The following MRPL57 variants were observed in gnomAD, a reference collection of about 807,000 sequenced individuals.
The protein encoded by MRPL57 is large ribosomal subunit protein mL63.
MRPL57 carries 1 observed loss-of-function variant against 1.3 expected under a neutral mutation model. That is an observed-to-expected ratio of 0.79 (90% CI 0.28 to 3.75). The LOEUF is 3.75. Ranked by LOEUF, MRPL57 falls within the 30% of genes most tolerant of loss-of-function variation. The pLI is 0.19. For synonymous variants in MRPL57, 79 were observed against 61.7 expected (o/e 1.28, Z -1.31); for missense variants, 170 against 148.9 (o/e 1.14, Z -0.74).
chr13:21,177,645 G>T lies in MRPL57; in HGVS notation c.*420G>T, dbSNP rs903831000. The T allele has an allele frequency of 5.0e-6, 1 of 201,486 alleles. No homozygotes were observed. Among genetic ancestry groups the T allele is most frequent in the Non-Finnish European group, 1.1e-5 (1 of 91,216 alleles). 12.5% of individuals were successfully genotyped at this position (201,486 alleles called of 1,614,324 possible). A position where few individuals can be genotyped will look rare whatever the true frequency, so the allele number is the denominator to read the frequency against. ...AAACATACTCCTAAAAACATTTTCC[G>T]GGATTTTACTACTAAAATTGGACAT... On this transcript the variant is annotated 3_prime_UTR_variant, in exon 2 of 2. Coordinates refer to ENST00000309594, the MANE Select transcript of MRPL57 (RefSeq NM_024026.5).
chr13:21,177,627 C>T lies in MRPL57; in HGVS notation c.*402C>T, dbSNP rs1008334333. On this transcript the variant is annotated 3_prime_UTR_variant, in exon 2 of 2. Transcript: ENST00000309594. ...AATATGAGCTTTTCAGTTAAACATACTCCTAAAAACATTTTCCGGGATTTT... is the reference window on the plus strand; with the variant it reads ...AATATGAGCTTTTCAGTTAAACATATTCCTAAAAACATTTTCCGGGATTTT... 1 of 211,042 alleles carries T rather than the reference C, an allele frequency of 4.7e-6. No individual in the cohort carries two copies. The highest frequency in any genetic ancestry group is 6.2e-5 in the Admixed American group (1 of 16,198). The allele number at this position is 211,042 out of a possible 1,614,324, so 13.1% of individuals were successfully genotyped here.
Position 21,177,468 on chromosome 13 carries a change from G to C in MRPL57, c.*243G>C, listed in dbSNP as rs1871647447. ...GAAGATAGGGATTTCCTCAGTCACA[G>C]ATGATATTTTGAAGGAAAGCTGCAA... is the stretch of plus-strand genomic sequence containing the variant. On this transcript the variant is annotated 3_prime_UTR_variant, in exon 2 of 2. Transcript: ENST00000309594. 1.9e-6 allele frequency: 1 copy of C among 537,820 alleles called. No homozygotes were observed. Among genetic ancestry groups the C allele is most frequent in the African/African-American group, 2.0e-5 (1 of 50,828 alleles). 33.3% of individuals were successfully genotyped at this position (537,820 alleles called of 1,614,324 possible).
intron 1 of MRPL57, 79 bp from the exon 2 acceptor site, chr13:21,176,833 C>T (rs1008757601): frequency 6.8e-7 from 1 of 1,469,006 alleles, no homozygotes; most frequent in Non-Finnish European, 9.2e-7. Flanking sequence ...TAGGCGTGAG[C>T]TGGAGCGCGC....
Position 21,177,018 on chromosome 13 carries a change from C to A in MRPL57, c.102C>A (p.Asn34Lys), listed in dbSNP as rs1871610251. ...PRFVSLRAKQNMIRRLEIEAE... is the reference protein window; with the variant it reads ...PRFVSLRAKQKMIRRLEIEAE... ...TCGTGTCGTTGCGCGCCAAGCAGAA[C>A]ATGATCCGCCGCCTGGAGATCGAGG... is the stretch of plus-strand genomic sequence containing the variant. The change falls in exon 2 of 2, where the codon AAC becomes AAA. Residue 34 changes from asparagine to lysine, a missense_variant. Coordinates refer to ENST00000309594, the MANE Select transcript of MRPL57 (RefSeq NM_024026.5). 2.5e-6 allele frequency: 4 copies of A among 1,613,146 alleles called. No individual in the cohort carries two copies. The highest frequency in any genetic ancestry group is 3.4e-6 in the Non-Finnish European group (4 of 1,179,986).
At position 21,176,973 on chromosome 13, in the gene MRPL57, G is replaced by C. The variant is rs918312352; in HGVS notation, c.57G>C (p.Gly19=). 2 of 1,611,884 alleles carry C rather than the reference G, an allele frequency of 1.2e-6. No homozygotes were observed. The highest frequency in any genetic ancestry group is 3.3e-5 in the Admixed American group (2 of 60,004). ...GCATTCCCGGCCGTCAGTGGATCGGGAAGCACCGGCGGCCGCGGTTCGTGT... is the reference window on the plus strand; with the variant it reads ...GCATTCCCGGCCGTCAGTGGATCGGCAAGCACCGGCGGCCGCGGTTCGTGT... ...RGRIPGRQWI[G]KHRRPRFVSL... Residue 19 remains glycine, a synonymous_variant, in exon 2 of 2, where the codon GGG becomes GGC. Transcript: ENST00000309594.
rs1258890777 is a variant in MRPL57, at chr13:21,177,317, GAGCCTTTGGACC to G, written c.*95_*106del. 2 of 1,343,088 alleles carry G rather than the reference GAGCCTTTGGACC, an allele frequency of 1.5e-6. No individual in the cohort carries two copies. The highest frequency in any genetic ancestry group is 2.1e-6 in the Non-Finnish European group (2 of 965,528). 83.2% of individuals were successfully genotyped at this position (1,343,088 alleles called of 1,614,324 possible). On this transcript the variant is annotated 3_prime_UTR_variant, in exon 2 of 2. Coordinates refer to ENST00000309594, the MANE Select transcript of MRPL57 (RefSeq NM_024026.5). ...GAAAAACTGTAGCTTGTGTGAAAAT[GAGCCTTTGGACC>G]AGTCTTTATTAAAACAAACAAACAT...
Position 21,178,424 on chromosome 13 carries a change from AAG to A in MRPL57, c.*1201_*1202del, listed in dbSNP as rs769193289. 1.1e-4 allele frequency: 19 copies of A among 166,072 alleles called. No individual in the cohort carries two copies. Among genetic ancestry groups the A allele is most frequent in the Non-Finnish European group, 2.1e-4 (14 of 68,120 alleles). 10.3% of individuals were successfully genotyped at this position (166,072 alleles called of 1,614,324 possible). A position where few individuals can be genotyped will look rare whatever the true frequency, so the allele number is the denominator to read the frequency against. On this transcript the variant is annotated 3_prime_UTR_variant, in exon 2 of 2. Transcript: ENST00000309594. ...TGCACTCTAGCCTGGGCGACAGAAA[AAG>A]AAAATTTAGGTGGGGAAAAAAATCA...
Position 21,177,393 on chromosome 13 carries a change from C to CA in MRPL57, c.*168_*169insA. On this transcript the variant is annotated 3_prime_UTR_variant, in exon 2 of 2. Coordinates refer to ENST00000309594, the MANE Select transcript of MRPL57 (RefSeq NM_024026.5). Reference sequence around the variant, plus strand: ...ATCGAATATCTAGAGCTCTAAACCCCCAATACTTAAAAGTCTAATTGCTGT... The same window carrying CA: ...ATCGAATATCTAGAGCTCTAAACCCCACAATACTTAAAAGTCTAATTGCTGT... 1 of 683,706 alleles carries CA rather than the reference C, an allele frequency of 1.5e-6. No homozygotes were observed. 42.4% of individuals were successfully genotyped at this position (683,706 alleles called of 1,614,324 possible).
Position 21,176,921 on chromosome 13 carries a change from T to C in MRPL57, c.5T>C (p.Phe2Ser), listed in dbSNP as rs971635245. The C allele has an allele frequency of 3.7e-6, 6 of 1,607,478 alleles. No homozygotes were observed. The highest frequency in any genetic ancestry group is 2.2e-5 in the South Asian group (2 of 91,028). The change falls in exon 2 of 2, where the codon TTC becomes TCC. Residue 2 changes from phenylalanine to serine, a missense_variant. Transcript: ENST00000309594. M[F>S]LTALLWRGRI... ...TCCCTCTCTTCCGCAGGCACCATGT[T>C]CCTGACTGCGCTCCTCTGGCGCGGC...
Position 21,176,953 on chromosome 13 carries a change from C to T in MRPL57, c.37C>T (p.Pro13Ser). 1.2e-6 allele frequency: 2 copies of T among 1,611,548 alleles called. No individual in the cohort carries two copies. The highest frequency in any genetic ancestry group is 1.1e-5 in the South Asian group (1 of 91,072). The change falls in exon 2 of 2, where the codon CCC becomes TCC. Residue 13 changes from proline to serine, a missense_variant. By Grantham distance (74) the Pro-to-Ser change is moderately conservative. Transcript: ENST00000309594. Reference sequence around the variant, plus strand: ...TGCGCTCCTCTGGCGCGGCCGCATTCCCGGCCGTCAGTGGATCGGGAAGCA... The same window carrying T: ...TGCGCTCCTCTGGCGCGGCCGCATTTCCGGCCGTCAGTGGATCGGGAAGCA... ...LTALLWRGRI[P>S]GRQWIGKHRR...
chr13:21,177,485 A>C lies in MRPL57; in HGVS notation c.*260A>C. On this transcript the variant is annotated 3_prime_UTR_variant, in exon 2 of 2. Transcript: ENST00000309594. ...CAGTCACAGATGATATTTTGAAGGAAAGCTGCAATAAAGCCACAATGATTT... is the reference window on the plus strand; with the variant it reads ...CAGTCACAGATGATATTTTGAAGGACAGCTGCAATAAAGCCACAATGATTT... The C allele has an allele frequency of 5.9e-6, 3 of 507,450 alleles. No individual in the cohort carries two copies. The highest frequency in any genetic ancestry group is 1.1e-5 in the Non-Finnish European group (3 of 280,556). The allele number at this position is 507,450 out of a possible 1,614,324, so 31.4% of individuals were successfully genotyped here.
In MRPL57 at chr13:21,177,176, T is replaced by G; in HGVS notation, c.260T>G (p.Phe87Cys). Residue 87 changes from phenylalanine to cysteine, a missense_variant, in exon 2 of 2, where the codon TTC becomes TGC. Phe to Cys is a radical substitution (Grantham distance 205). Coordinates refer to ENST00000309594, the MANE Select transcript of MRPL57 (RefSeq NM_024026.5). ...ACTTCCAAGTTCCCCCCGCATAGAT[T>G]CATTGCGGACCAGCTCGACCATCTC... ...AATSKFPPHRFIADQLDHLNV... is the reference protein window; with the variant it reads ...AATSKFPPHRCIADQLDHLNV... The G allele has an allele frequency of 6.2e-7, 1 of 1,614,130 alleles. No homozygotes were observed. Among genetic ancestry groups the G allele is most frequent in the African/African-American group, 1.3e-5 (1 of 75,042 alleles).
At position 21,176,721 on chromosome 13, in the gene MRPL57, A is replaced by G. The variant is rs1871575749; in HGVS notation, c.-6+4A>G. ...AGAGTCTTGAGCAGCGCGGCAGGTG[A>G]GTAGCTGTGCGAATTCGGTTCTCTA... On this transcript the variant is annotated splice_donor_region_variant and intron_variant, in intron 1 of 1. Transcript: ENST00000309594. The G allele has an allele frequency of 3.0e-6, 2 of 675,664 alleles. No homozygotes were observed. Among genetic ancestry groups the G allele is most frequent in the Admixed American group, 3.0e-5 (1 of 33,020 alleles). The allele number at this position is 675,664 out of a possible 1,614,324, so 41.9% of individuals were successfully genotyped here.
At position 21,177,103 on chromosome 13, in the gene MRPL57, G is replaced by A; in HGVS notation, c.187G>A (p.Ala63Thr). 6.2e-7 allele frequency: 1 copy of A among 1,613,898 alleles called. No homozygotes were observed. The highest frequency in any genetic ancestry group is 1.1e-5 in the South Asian group (1 of 91,084). The change falls in exon 2 of 2, where the codon GCC becomes ACC. Residue 63 changes from alanine (A) to threonine (T), a missense_variant. Coordinates refer to ENST00000309594, the MANE Select transcript of MRPL57 (RefSeq NM_024026.5). ...GACCCGGGAGCAGGAGCGCGGCCAC[G>A]CCGCGGTGCGCAGGAGGGAGGCCTT... is the stretch of plus-strand genomic sequence containing the variant. The part of the protein sequence containing the change: ...YMTREQERGH[A>T]AVRRREAFEA...
rs1017620251 is a variant in MRPL57, at chr13:21,176,708, A to C, written c.-15A>C. ...GCCGCGGAGACGCAGAGTCTTGAGC[A>C]GCGCGGCAGGTGAGTAGCTGTGCGA... On this transcript the variant is annotated 5_prime_UTR_variant, in exon 1 of 2. Coordinates refer to ENST00000309594, the MANE Select transcript of MRPL57 (RefSeq NM_024026.5). The C allele has an allele frequency of 4.5e-6, 3 of 672,248 alleles. No homozygotes were observed. The highest frequency in any genetic ancestry group is 1.8e-5 in the African/African-American group (1 of 54,596). 41.6% of individuals were successfully genotyped at this position (672,248 alleles called of 1,614,324 possible).
Position 21,177,189 on chromosome 13 carries a change from G to C in MRPL57, c.273G>C (p.Gln91His). 2 of 1,614,114 alleles carry C rather than the reference G, an allele frequency of 1.2e-6. No individual in the cohort carries two copies. Among genetic ancestry groups the C allele is most frequent in the African/African-American group, 2.7e-5 (2 of 75,066 alleles). Residue 91 changes from glutamine (Q) to histidine (H), a missense_variant, in exon 2 of 2, where the codon CAG becomes CAC. Gln to His is a conservative substitution (Grantham distance 24, BLOSUM62 0). Coordinates refer to ENST00000309594, the MANE Select transcript of MRPL57 (RefSeq NM_024026.5). ...KFPPHRFIAD[Q>H]LDHLNVTKKW... ...CCCCGCATAGATTCATTGCGGACCA[G>C]CTCGACCATCTCAATGTCACCAAGA...
rs758925045 is a variant in MRPL57 at position 21,178,013 on chromosome 13, G to C, written c.*788G>C. 1 of 167,110 alleles carries C rather than the reference G, an allele frequency of 6.0e-6. No individual in the cohort carries two copies. The highest frequency in any genetic ancestry group is 2.4e-5 in the African/African-American group (1 of 41,442). 10.4% of individuals were successfully genotyped at this position (167,110 alleles called of 1,614,324 possible). A position where few individuals can be genotyped will look rare whatever the true frequency, so the allele number is the denominator to read the frequency against. ...TAAACGAAGTAAAAGATATTTATCA[G>C]AGCTGTTACAGGAAGGTGTATTTTT... On this transcript the variant is annotated 3_prime_UTR_variant, in exon 2 of 2. Coordinates refer to ENST00000309594, the MANE Select transcript of MRPL57 (RefSeq NM_024026.5).
chr13:21,176,893 C>G lies in MRPL57; in HGVS notation c.-5-19C>G, dbSNP rs751184470. ...CCGCGCCAGTTCGCCTCCGCAAAGC[C>G]CGTCCCTCTCTTCCGCAGGCACCAT... On this transcript the variant is annotated intron_variant, in intron 1 of 1. Transcript: ENST00000309594. 6 of 1,597,234 alleles carry G rather than the reference C, an allele frequency of 3.8e-6. No homozygotes were observed. The East Asian group carries it at 1.1e-4, about 30-fold the overall frequency.
At position 21,177,177 on chromosome 13, in the gene MRPL57, C is replaced by T; in HGVS notation, c.261C>T (p.Phe87=). ...AATSKFPPHR[F]IADQLDHLNV... is the part of the protein sequence containing the mutation. ...CTTCCAAGTTCCCCCCGCATAGATT[C>T]ATTGCGGACCAGCTCGACCATCTCA... The change falls in exon 2 of 2, where the codon TTC becomes TTT. Residue 87 remains phenylalanine (F), a synonymous_variant. Transcript: ENST00000309594. The T allele has an allele frequency of 1.2e-6, 2 of 1,614,160 alleles. No individual in the cohort carries two copies. The highest frequency in any genetic ancestry group is 1.7e-6 in the Non-Finnish European group (2 of 1,180,044).
Sources: allele counts gnomAD v4.1 joint callset, GRCh38; gene constraint gnomAD v4.1.1; transcripts MANE v1.5; gene names NCBI Gene and HGNC (gene_info 2026-07-23, HGNC 2026-07-21).